Variants in PRKN observed in about 807,000 individuals in gnomAD.
The protein encoded by PRKN is E3 ubiquitin-protein ligase parkin.
A neutral mutation model predicts 59.5 loss-of-function variants in PRKN; 56 were observed. That is an observed-to-expected ratio of 0.94 (90% CI 0.76 to 1.18). The LOEUF (loss-of-function observed/expected upper bound fraction) is 1.18. Ranked by LOEUF, PRKN falls within the 50% of genes most tolerant of loss-of-function variation. PRKN has a pLI of 0.00. For missense variants in PRKN, 657 were observed against 596.4 expected (o/e 1.10, Z -1.06); for synonymous variants, 250 against 222.1 (o/e 1.13, Z -1.12).
chr6:162,002,621 G>C (rs9458427), intron 5 of PRKN, among the ~76,000 whole-genome samples: 116,594 of 151,294 alleles, frequency 0.77, 45,229 homozygotes, highest in African/African-American at 0.86. Context: ...TATTGATTTC[G>C]TATTTTCAAT....
chr6:161,802,308 C>T (rs1256604890), intron 6 of PRKN, among the ~76,000 whole-genome samples: 1 of 152,116 alleles, frequency 6.6e-6, no homozygotes, highest in Non-Finnish European at 1.5e-5. Flanking sequence ...ACTGCCCCTT[C>T]TCTGTCCCTT....
At chr6:161,366,768 C>G (rs555633050) in intron 10 of PRKN, among the ~76,000 whole-genome samples, 3 of 152,092 alleles carry the variant, frequency 2.0e-5, no homozygotes, top group Non-Finnish European at 4.4e-5. Context: ...GTAACCAGCC[C>G]GGGTGTTTCT....
chr6:161,884,465 T>C (rs1199968786), intron 6 of PRKN, among the ~76,000 whole-genome samples: 5 of 152,232 alleles, frequency 3.3e-5, no homozygotes, highest in African/African-American at 9.6e-5. Context: ...CCAACTCTTA[T>C]GTATTTAATA....
intron 2 of PRKN, among the ~76,000 whole-genome samples, chr6:162,372,118 T>C (rs1313495927): frequency 6.6e-6 from 1 of 152,198 alleles, no homozygotes; most frequent in East Asian, 1.9e-4. Context: ...GTTTCCTTAA[T>C]TTCTTTTCTA....
At chr6:162,388,272 C>T (rs1221101008) in intron 2 of PRKN, among the ~76,000 whole-genome samples, 3 of 152,104 alleles carry the variant, frequency 2.0e-5, no homozygotes, top group Non-Finnish European at 2.9e-5. Flanking sequence ...CCTCTCTGAC[C>T]TCTAGGGCCC....
intron 4 of PRKN, among the ~76,000 whole-genome samples, chr6:162,145,990 T>C (rs1191959699): frequency 1.3e-5 from 2 of 152,154 alleles, no homozygotes; most frequent in African/African-American, 2.4e-5. Context: ...TACTTTCAAT[T>C]TCCCATCTGC....
In PRKN at chr6:161,456,991, A is replaced by T. The variant is rs1319793824; in HGVS notation, c.1084-70114T>A. ...TGCCTCCACTGTGGTCCTACCAGAGAGCTGAGTTCAGGACCTGGGTTTGGG... is the reference window on the plus strand; with the variant it reads ...TGCCTCCACTGTGGTCCTACCAGAGTGCTGAGTTCAGGACCTGGGTTTGGG... On this transcript the variant is annotated intron_variant, in intron 9 of 11. Transcript: ENST00000366898. This position sits in a 1 kb window ranked among gnomAD's most constrained non-coding sequence, Gnocchi z 4.8. Among the ~76,000 whole-genome samples, 3 of 152,150 alleles carry T rather than the reference A, an allele frequency of 2.0e-5. No homozygotes were observed. Among genetic ancestry groups the T allele is most frequent in the Non-Finnish European group, 4.4e-5 (3 of 68,030 alleles).
chr6:161,746,584 T>TAC (rs1353169191), intron 7 of PRKN, among the ~76,000 whole-genome samples: 1 of 145,962 alleles, frequency 6.9e-6, no homozygotes, highest in African/African-American at 2.5e-5. Context: ...TATATATATA[T>TAC]ATACACACAC....
intron 6 of PRKN, among the ~76,000 whole-genome samples, chr6:161,897,020 G>A (rs1021121296): frequency 1.3e-5 from 2 of 152,224 alleles, no homozygotes; most frequent in African/African-American, 2.4e-5. Flanking sequence ...CTCAATCAAT[G>A]ACCGATGATA....
At chr6:161,599,764 C>A (rs974288759) in intron 7 of PRKN, among the ~76,000 whole-genome samples, 2 of 152,186 alleles carry the variant, frequency 1.3e-5, no homozygotes, top group African/African-American at 4.8e-5. Flanking sequence ...GCTAGCTACC[C>A]AGTTTTCTAT....
chr6:162,394,663 A>G (rs1023063318), intron 2 of PRKN, among the ~76,000 whole-genome samples: 1 of 152,232 alleles, frequency 6.6e-6, no homozygotes, highest in Non-Finnish European at 1.5e-5. Flanking sequence ...TACATCCAAA[A>G]GGCTTATCTC....
chr6:162,427,120 G>C (rs1277735115), intron 2 of PRKN, among the ~76,000 whole-genome samples: 4 of 152,218 alleles, frequency 2.6e-5, no homozygotes, highest in Admixed American at 6.5e-5. Flanking sequence ...GAAGTAATTA[G>C]AGAAATGCAA....
chr6:161,909,235 T>A (rs1319866586), intron 6 of PRKN, among the ~76,000 whole-genome samples: 1 of 152,170 alleles, frequency 6.6e-6, no homozygotes, highest in Non-Finnish European at 1.5e-5. Flanking sequence ...CGCAGAAATG[T>A]TTTTTCTTAC....
At chr6:161,914,817 T>G (rs1778495229) in intron 6 of PRKN, among the ~76,000 whole-genome samples, 1 of 151,760 alleles carries the variant, frequency 6.6e-6, no homozygotes, top group Admixed American at 6.6e-5. Context: ...CAGGCTCCAT[T>G]AACAAGCAGG....
chr6:162,472,468 T>TATATATATATATATATATATATC (rs1385821060), intron 1 of PRKN, among the ~76,000 whole-genome samples: 13 of 104,468 alleles, frequency 1.2e-4, no homozygotes, highest in South Asian at 3.0e-4. Context: ...TTTTATTTTA[T>TATATATATATATATATATATATC]TTTATTTTAT....
At chr6:162,473,995 T>A (rs1298871176) in intron 1 of PRKN, among the ~76,000 whole-genome samples, 3 of 152,314 alleles carry the variant, frequency 2.0e-5, no homozygotes, top group East Asian at 3.9e-4. Flanking sequence ...ATTACCATAA[T>A]AAAGCAAATT....
chr6:162,075,441 A>G (rs1050678445), intron 4 of PRKN, among the ~76,000 whole-genome samples: 11 of 151,854 alleles, frequency 7.2e-5, no homozygotes, highest in African/African-American at 2.4e-4. Flanking sequence ...AACTCCCCAC[A>G]TAAAACTTAA....
chr6:161,694,152 G>T (rs990491353), intron 7 of PRKN, among the ~76,000 whole-genome samples: 1 of 152,156 alleles, frequency 6.6e-6, no homozygotes, highest in Admixed American at 6.5e-5. Flanking sequence ...AAAGGTTACA[G>T]AGAACTTTTG....
rs1318757883 is a variant in PRKN at position 161,883,505 on chromosome 6, GAAGGT to G, written c.734+89792_734+89796del. On this transcript the variant is annotated intron_variant, in intron 6 of 11. Coordinates refer to ENST00000366898, the MANE Select transcript of PRKN (RefSeq NM_004562.3). ...CTGACAAAGGGAAGGGAAGGGAAGG[GAAGGT>G]GGGGAGGGGAGGGGAGGGCAGAAAC... 2.0e-4 allele frequency among the ~76,000 whole-genome samples: 28 copies of G among 138,954 alleles called. No individual in the cohort carries two copies. The South Asian group carries it at 5.5e-3, about 28-fold the overall frequency. The allele number at this position is 138,954 out of a possible 152,430, so 91.2% of individuals were successfully genotyped here.
Sources: allele counts gnomAD v4.1 joint callset (sites outside exome capture counted in the v4.1 genomes callset), GRCh38; gene constraint gnomAD v4.1.1; non-coding constraint Gnocchi (gnomAD v3.1); transcripts MANE v1.5; gene names NCBI Gene and HGNC (gene_info 2026-07-23, HGNC 2026-07-21).